Variants in CTIF observed in about 807,000 individuals in gnomAD.
CTIF encodes CBP80/20-dependent translation initiation factor.
A neutral mutation model predicts 66.0 loss-of-function variants in CTIF; 21 were observed. The ratio of observed to expected loss-of-function variants is 0.32; its 90% CI spans 0.23 to 0.46. CTIF has a LOEUF of 0.46. Among genes scored for constraint, CTIF ranks in the 20% least tolerant of loss-of-function variants. CTIF has a pLI of 1.00. For synonymous variants in CTIF, 345 were observed against 326.4 expected (o/e 1.06, Z -0.62); for missense variants, 739 against 812.7 (o/e 0.91, Z 1.10).
chr18:48,717,653 A>T (rs80113512), intron 7 of CTIF, among the ~76,000 whole-genome samples: 3,670 of 152,242 alleles, frequency 0.024, 48 homozygotes, highest in Middle Eastern at 0.068. Flanking sequence ...TGTGAATTAT[A>T]TCTCAATTAA....
intron 7 of CTIF, among the ~76,000 whole-genome samples, chr18:48,720,409 A>G (rs2092323429): frequency 6.6e-6 from 1 of 152,078 alleles, no homozygotes; most frequent in Non-Finnish European, 1.5e-5. Context: ...AGTGACTGTC[A>G]TTGCCATCCT....
intron 6 of CTIF, among the ~76,000 whole-genome samples, chr18:48,679,713 A>G (rs2091706105): frequency 1.3e-5 from 2 of 152,108 alleles, no homozygotes; most frequent in Admixed American, 1.3e-4. Context: ...ACTATTCTGG[A>G]TAAATCAGAC....
intron 1 of CTIF, among the ~76,000 whole-genome samples, chr18:48,615,896 G>A (rs1452048201): frequency 2.0e-5 from 3 of 152,230 alleles, no homozygotes; most frequent in African/African-American, 7.2e-5. Flanking sequence ...CCCGCAGAGC[G>A]AGTCCTCTTC....
chr18:48,707,568 C>T (rs2101142), intron 6 of CTIF, among the ~76,000 whole-genome samples: 3,802 of 151,534 alleles, frequency 0.025, 46 homozygotes, highest in Middle Eastern at 0.068. Flanking sequence ...CTTCTTCTTC[C>T]TCTTTCCCTT....
chr18:48,581,791 A>G (rs1182698798), intron 1 of CTIF, among the ~76,000 whole-genome samples: 1 of 152,214 alleles, frequency 6.6e-6, no homozygotes, highest in Non-Finnish European at 1.5e-5. Context: ...ATTATCGGTC[A>G]TAGCAAGGCA....
chr18:48,600,806 C>A (rs574872850), intron 1 of CTIF, among the ~76,000 whole-genome samples: 1 of 152,170 alleles, frequency 6.6e-6, no homozygotes, highest in East Asian at 1.9e-4. Flanking sequence ...CTTTTGCAGC[C>A]AAACCAGTTC....
intron 2 of CTIF, among the ~76,000 whole-genome samples, chr18:48,622,311 G>A (rs2090510164): frequency 1.3e-5 from 2 of 152,120 alleles, no homozygotes. Context: ...GGAGTGGGGT[G>A]TTTGAAATCA....
chr18:48,754,596 A>T (rs887723942), intron 7 of CTIF, among the ~76,000 whole-genome samples: 2 of 152,182 alleles, frequency 1.3e-5, no homozygotes, highest in Admixed American at 1.3e-4. Context: ...ATTTAGCTCC[A>T]TATCAAGACC....
At chr18:48,604,485 G>T (rs1483791068) in intron 1 of CTIF, among the ~76,000 whole-genome samples, 1 of 151,994 alleles carries the variant, frequency 6.6e-6, no homozygotes, top group East Asian at 1.9e-4. Flanking sequence ...GCGTTTTAAG[G>T]CTTGTCATTG....
chr18:48,789,257 C>T (rs1241584553), intron 9 of CTIF, among the ~76,000 whole-genome samples: 2 of 152,130 alleles, frequency 1.3e-5, no homozygotes, highest in Admixed American at 1.3e-4. Context: ...GGGTTCACAT[C>T]CCAGCTTTGT....
At chr18:48,726,435 T>C (rs1183097947) in intron 7 of CTIF, among the ~76,000 whole-genome samples, 2 of 152,122 alleles carry the variant, frequency 1.3e-5, no homozygotes, top group Non-Finnish European at 2.9e-5. Context: ...AAGTCACCCT[T>C]GAGAGTGTAG....
chr18:48,661,394 AT>A lies in CTIF; in HGVS notation c.253-2349del, dbSNP rs11370701. ...AGCAAGAGTTTTGTTTGCATGTATG[AT>A]TTTTTTTTATCTTTGCTTTCTATGT... On this transcript the variant is annotated intron_variant, in intron 3 of 11. Coordinates refer to ENST00000256413, the MANE Select transcript of CTIF (RefSeq NM_014772.3). 2.4e-4 allele frequency among the ~76,000 whole-genome samples: 36 copies of A among 150,292 alleles called. 1 individual carries two copies. Among genetic ancestry groups the A allele is most frequent in the African/African-American group, 8.3e-4 (34 of 40,850 alleles).
At chr18:48,804,328 G>C (rs2068101488) in intron 9 of CTIF, among the ~76,000 whole-genome samples, 1 of 152,204 alleles carries the variant, frequency 6.6e-6, no homozygotes, top group African/African-American at 2.4e-5. Flanking sequence ...ACTGTTGCCA[G>C]AGTGCAGAGT....
At chr18:48,675,772 G>A (rs1176346212) in intron 6 of CTIF, among the ~76,000 whole-genome samples, 2 of 152,214 alleles carry the variant, frequency 1.3e-5, no homozygotes, top group Admixed American at 6.5e-5. Flanking sequence ...GGCTGCAGGG[G>A]AACACCCACT....
intron 7 of CTIF, among the ~76,000 whole-genome samples, chr18:48,725,332 T>G (rs1297886693): frequency 6.6e-6 from 1 of 152,110 alleles, no homozygotes; most frequent in Non-Finnish European, 1.5e-5. Context: ...GGAACAGTGA[T>G]CATCAGGGCC....
intron 7 of CTIF, among the ~76,000 whole-genome samples, chr18:48,727,190 A>G (rs2092393929): frequency 6.6e-6 from 1 of 152,194 alleles, no homozygotes; most frequent in Non-Finnish European, 1.5e-5. Context: ...AGAAGCACAT[A>G]GACATTGTTG....
intron 7 of CTIF, among the ~76,000 whole-genome samples, chr18:48,724,827 G>A (rs904486048): frequency 9.2e-5 from 14 of 152,244 alleles, no homozygotes; most frequent in African/African-American, 3.4e-4. Flanking sequence ...GGATAGAGGA[G>A]CCCAAAACAG....
chr18:48,592,647 G>C (rs1305730798), intron 1 of CTIF, among the ~76,000 whole-genome samples: 1 of 152,218 alleles, frequency 6.6e-6, no homozygotes, highest in Non-Finnish European at 1.5e-5. Flanking sequence ...TTAATAACCA[G>C]CGCGAGCCTG....
chr18:48,843,482 C>T (rs547160029), intron 10 of CTIF, among the ~76,000 whole-genome samples: 1 of 152,094 alleles, frequency 6.6e-6, no homozygotes, highest in South Asian at 2.1e-4. Context: ...ATGGGACACT[C>T]GGTAGCCTCT....
Sources: allele counts gnomAD v4.1 joint callset (sites outside exome capture counted in the v4.1 genomes callset), GRCh38; gene constraint gnomAD v4.1.1; transcripts MANE v1.5; gene names NCBI Gene and HGNC (gene_info 2026-07-23, HGNC 2026-07-21).